The following YIF1B variants were observed in gnomAD, a reference collection of about 807,000 sequenced individuals.
The protein encoded by YIF1B is Yip1 interacting factor homolog B, membrane trafficking protein.
A neutral mutation model predicts 34.6 loss-of-function variants in YIF1B; 24 were observed. That is an observed-to-expected ratio of 0.69 (90% CI 0.50 to 0.98). The LOEUF is 0.98. Among genes scored for constraint, YIF1B ranks in the 50% least tolerant of loss-of-function variants. YIF1B has a pLI of 0.00. For missense variants in YIF1B, 368 were observed against 429.4 expected (o/e 0.86, Z 1.26); for synonymous variants, 186 against 184.8 (o/e 1.01, Z -0.05).
chr19:38,318,848 C>T (rs1969612615), upstream of YIF1B, among the ~76,000 whole-genome samples: 1 of 152,154 alleles, frequency 6.6e-6, no homozygotes, highest in South Asian at 2.1e-4. Context: ...TGAGTTCTGG[C>T]TGGAGGCAGA....
Position 38,307,413 on chromosome 19 carries a change from C to T in YIF1B, c.789+15G>A. 6.2e-7 allele frequency: 1 copy of T among 1,613,220 alleles called. No homozygotes were observed. The highest frequency in any genetic ancestry group is 8.5e-7 in the Non-Finnish European group (1 of 1,179,774). ...CACCTGTGCCTCAGCCTCACCAGCC[C>T]CGAGCCCAGCTCACCATGAACACAA... On this transcript the variant is annotated intron_variant, in intron 7 of 7. Coordinates refer to ENST00000339413, the MANE Select transcript of YIF1B (RefSeq NM_001039672.3).
upstream of YIF1B, among the ~76,000 whole-genome samples, chr19:38,321,029 C>G (rs530582029): frequency 6.6e-6 from 1 of 152,092 alleles, no homozygotes; most frequent in South Asian, 2.1e-4. Context: ...CTGACTTTAT[C>G]TCTAGTCTGG....
rs764410189 is a variant in YIF1B at position 38,304,704 on chromosome 19, G to A, written c.*648C>T. 6.8e-6 allele frequency: 11 copies of A among 1,613,666 alleles called. No homozygotes were observed. The highest frequency in any genetic ancestry group is 8.5e-6 in the Non-Finnish European group (10 of 1,179,968). Reference sequence around the variant, plus strand: ...ATGTGAAGGTAAGGGGCTCTCGCCAGCGTCCCCAAGCACGTGCCCTGCACC... The same window carrying A: ...ATGTGAAGGTAAGGGGCTCTCGCCAACGTCCCCAAGCACGTGCCCTGCACC... On this transcript the variant is annotated 3_prime_UTR_variant, in exon 8 of 8. Coordinates refer to ENST00000339413, the MANE Select transcript of YIF1B (RefSeq NM_001039672.3).
At chr19:38,320,441 G>A (rs1042891443), upstream of YIF1B, among the ~76,000 whole-genome samples, 3 of 152,112 alleles carry the variant, frequency 2.0e-5, no homozygotes, top group South Asian at 2.1e-4. Context: ...CATGATATCT[G>A]CTCTGCTCGG....
At position 38,304,598 on chromosome 19, in the gene YIF1B, C is replaced by T. The variant is rs1416486235; in HGVS notation, c.*754G>A. The T allele has an allele frequency of 1.2e-5, 19 of 1,612,832 alleles. No individual in the cohort carries two copies. In the East Asian group the frequency reaches 2.7e-4, roughly 23 times the overall value. Reference sequence around the variant, plus strand: ...CTTCAGGGGGCTGGGTAAGGGGCGCCGCCTCACTGCCGCACCTCCATCCAG... The same window carrying T: ...CTTCAGGGGGCTGGGTAAGGGGCGCTGCCTCACTGCCGCACCTCCATCCAG... On this transcript the variant is annotated 3_prime_UTR_variant, in exon 8 of 8. Coordinates refer to ENST00000339413, the MANE Select transcript of YIF1B (RefSeq NM_001039672.3).
rs1968944903 is a variant in YIF1B at position 38,305,118 on chromosome 19, T to C, written c.*234A>G. On this transcript the variant is annotated 3_prime_UTR_variant, in exon 8 of 8. Coordinates refer to ENST00000339413, the MANE Select transcript of YIF1B (RefSeq NM_001039672.3). ...GGCCAAGGAGAGGCTGTCCACGCCA[T>C]GCCCATCAGGGTTTATTGTTTCTGT... 1 of 1,443,244 alleles carries C rather than the reference T, an allele frequency of 6.9e-7. No individual in the cohort carries two copies. Among genetic ancestry groups the C allele is most frequent in the African/African-American group, 1.4e-5 (1 of 69,952 alleles). 89.4% of individuals were successfully genotyped at this position (1,443,244 alleles called of 1,614,324 possible).
Position 38,304,160 on chromosome 19 carries a change from C to G in YIF1B, c.*1192G>C, listed in dbSNP as rs570227484. The G allele has an allele frequency of 6.9e-7, 1 of 1,444,184 alleles. No individual in the cohort carries two copies. Among genetic ancestry groups the G allele is most frequent in the Admixed American group, 1.9e-5 (1 of 53,388 alleles). The allele number at this position is 1,444,184 out of a possible 1,614,324, so 89.5% of individuals were successfully genotyped here. ...AGGACAGAGGTTGGGTGGGGCGTCT[C>G]AGCATTCCTCCAACGGGCAGGTCTC... On this transcript the variant is annotated 3_prime_UTR_variant, in exon 8 of 8. Coordinates refer to ENST00000339413, the MANE Select transcript of YIF1B (RefSeq NM_001039672.3).
intron 7 of YIF1B, chr19:38,307,117 T>C (rs1969084313): frequency 2.0e-6 from 1 of 497,872 alleles, no homozygotes; most frequent in Admixed American, 2.9e-5. Context: ...GAGAATCTCC[T>C]TCCAGGGAAA....
At chr19:38,321,778 G>A (rs1234266591), upstream of YIF1B, among the ~76,000 whole-genome samples, 5 of 152,228 alleles carry the variant, frequency 3.3e-5, no homozygotes, top group Non-Finnish European at 7.3e-5. Context: ...TGCTGCCAGG[G>A]CGGCCTGACC....
chr19:38,311,235 CG>C (rs1969315314), intron 1 of YIF1B, among the ~76,000 whole-genome samples: 1 of 150,682 alleles, frequency 6.6e-6, no homozygotes, highest in Admixed American at 6.6e-5. Context: ...TGCAGTGAGC[CG>C]AGACTGCACC....
At chr19:38,317,662 C>A (rs1012543849), upstream of YIF1B, among the ~76,000 whole-genome samples, 2 of 152,156 alleles carry the variant, frequency 1.3e-5, no homozygotes, top group Middle Eastern at 3.4e-3. Flanking sequence ...TCACTGCAAC[C>A]TTTGCCTCCT....
In YIF1B at chr19:38,315,885, C is replaced by T. The variant is rs1309928757; in HGVS notation, c.33G>A (p.Ala11=). The T allele has an allele frequency of 1.3e-6, 2 of 1,486,676 alleles. No homozygotes were observed. The allele number at this position is 1,486,676 out of a possible 1,614,324, so 92.1% of individuals were successfully genotyped here. The part of the protein sequence containing the change: MHPAGLAAAA[A]GTPRLRKWPS... The stretch of plus-strand genomic sequence containing the variant: ...GCCACTTACGCAGCCGGGGCGTCCC[C>T]GCAGCCGCCGCCGCCAAGCCTGCCG... Residue 11 remains alanine, a synonymous_variant, in exon 1 of 8, where the codon GCG becomes GCA. Transcript: ENST00000339413.
At position 38,305,518 on chromosome 19, in the gene YIF1B, AAGAG is replaced by A; in HGVS notation, c.790-15_790-12del. ...CCGCAGCGTCCGGATCTGGGTGGGAAAGAGAGAGAGGAACCAAGGGATTTACCCT... is the reference window on the plus strand; with the variant it reads ...CCGCAGCGTCCGGATCTGGGTGGGAAAGAGAGGAACCAAGGGATTTACCCT... On this transcript the variant is annotated splice_polypyrimidine_tract_variant and intron_variant, in intron 7 of 7. Coordinates refer to ENST00000339413, the MANE Select transcript of YIF1B (RefSeq NM_001039672.3). 1 of 1,594,098 alleles carries A rather than the reference AAGAG, an allele frequency of 6.3e-7. No homozygotes were observed. Among genetic ancestry groups the A allele is most frequent in the Non-Finnish European group, 8.6e-7 (1 of 1,165,214 alleles).
intron 1 of YIF1B, among the ~76,000 whole-genome samples, chr19:38,310,320 C>T (rs1419792130): frequency 7.6e-6 from 1 of 132,346 alleles, no homozygotes; most frequent in Non-Finnish European, 1.6e-5. Flanking sequence ...TTCATCCATC[C>T]ACCCACCCAC....
At chr19:38,321,190 C>T (rs992961866), upstream of YIF1B, among the ~76,000 whole-genome samples, 1 of 152,194 alleles carries the variant, frequency 6.6e-6, no homozygotes, top group Non-Finnish European at 1.5e-5. Flanking sequence ...CACTAAAGAC[C>T]TCCCTCCCAA....
upstream of YIF1B, among the ~76,000 whole-genome samples, chr19:38,319,097 C>T (rs1379504077): frequency 6.6e-6 from 1 of 151,914 alleles, no homozygotes; most frequent in East Asian, 1.9e-4. Context: ...TCCCTCATCA[C>T]AGCCCTGACC....
chr19:38,318,158 A>G (rs1023918360), upstream of YIF1B, among the ~76,000 whole-genome samples: 1 of 126,352 alleles, frequency 7.9e-6, no homozygotes, highest in Non-Finnish European at 1.6e-5. Flanking sequence ...GTGCCATTGC[A>G]CTCCAGCCTG....
chr19:38,314,804 A>G (rs1397377824), intron 1 of YIF1B, among the ~76,000 whole-genome samples: 1 of 151,132 alleles, frequency 6.6e-6, no homozygotes, highest in Non-Finnish European at 1.5e-5. Context: ...TATTAGAGAT[A>G]GGATTTTGCT....
At position 38,305,228 on chromosome 19, in the gene YIF1B, TG is replaced by T. The variant is rs1968951750; in HGVS notation, c.*123del. On this transcript the variant is annotated 3_prime_UTR_variant, in exon 8 of 8. Coordinates refer to ENST00000339413, the MANE Select transcript of YIF1B (RefSeq NM_001039672.3). ...GTTGGGGGCGGGGCTGGGCGGGACATGGGATGGAGGCGGTGCCTGTGGCCAG... is the reference window on the plus strand; with the variant it reads ...GTTGGGGGCGGGGCTGGGCGGGACATGGATGGAGGCGGTGCCTGTGGCCAG... 2 of 1,445,118 alleles carry T rather than the reference TG, an allele frequency of 1.4e-6. No homozygotes were observed. The highest frequency in any genetic ancestry group is 4.9e-5 in the East Asian group (2 of 40,800). The allele number at this position is 1,445,118 out of a possible 1,614,324, so 89.5% of individuals were successfully genotyped here.
Sources: allele counts gnomAD v4.1 joint callset (sites outside exome capture counted in the v4.1 genomes callset), GRCh38; gene constraint gnomAD v4.1.1; transcripts MANE v1.5; gene names NCBI Gene and HGNC (gene_info 2026-07-23, HGNC 2026-07-21).